The following RBBP4 variants were observed in gnomAD, a reference collection of about 807,000 sequenced individuals.
RBBP4 encodes the protein RB binding protein 4, chromatin remodeling factor.
In RBBP4, 3 loss-of-function variants were observed where a neutral mutation model predicts 57.2. The ratio of observed to expected loss-of-function variants is 0.05; its 90% CI spans 0.02 to 0.14. The LOEUF is 0.14. RBBP4 is among the 10% of genes least tolerant of loss of function. RBBP4 has a pLI of 1.00. For missense variants in RBBP4, 107 were observed against 520.6 expected, an observed-to-expected ratio of 0.21 and a Z score of 7.73; for synonymous variants, 151 against 171.5, an observed-to-expected ratio of 0.88 and a Z score of 0.93.
intron 3 of RBBP4, chr1:32,662,154 G>C (rs1054051014): frequency 4.5e-5 from 13 of 288,428 alleles, no homozygotes; most frequent in Non-Finnish European, 8.6e-5. Context: ...AGAGTGCTGG[G>C]ATTACAGGCT....
At chr1:32,668,041 A>G (rs1016611427) in intron 3 of RBBP4, among the ~76,000 whole-genome samples, 184 bp from the exon 4 acceptor site, 2 of 152,004 alleles carry the variant, frequency 1.3e-5, no homozygotes, top group Non-Finnish European at 2.9e-5. Context: ...CTTATTAGTT[A>G]TTTAACTACC....
chr1:32,684,388 T>A lies in RBBP4; in HGVS notation c.*4683T>A, dbSNP rs201714614. The A allele has an allele frequency of 1.1e-5, 17 of 1,614,186 alleles. No homozygotes were observed. The highest frequency in any genetic ancestry group is 1.4e-5 in the Non-Finnish European group (17 of 1,180,042). On this transcript the variant is annotated 3_prime_UTR_variant, in exon 12 of 12. Coordinates refer to ENST00000373493, the MANE Select transcript of RBBP4 (RefSeq NM_005610.3). The stretch of plus-strand genomic sequence containing the variant: ...TCCATTTCCTCCAGCTGTTCCTGCA[T>A]GAGATGGCCAAGAACATTTCTAATG...
chr1:32,683,896 G>C lies in RBBP4; in HGVS notation c.*4191G>C. The C allele has an allele frequency of 1.0e-6, 1 of 1,003,968 alleles. No individual in the cohort carries two copies. The highest frequency in any genetic ancestry group is 1.5e-6 in the Non-Finnish European group (1 of 665,380). 62.2% of individuals were successfully genotyped at this position (1,003,968 alleles called of 1,614,324 possible). A position where few individuals can be genotyped will look rare whatever the true frequency, so the allele number is the denominator to read the frequency against. On this transcript the variant is annotated 3_prime_UTR_variant, in exon 12 of 12. Coordinates refer to ENST00000373493, the MANE Select transcript of RBBP4 (RefSeq NM_005610.3). ...GATCCACCCTCCTCAGCCTCCCAAA[G>C]TGCTAGGATTACAGGCGTGAGCCAC...
chr1:32,669,200 GT>G lies in RBBP4; in HGVS notation c.762-24del, dbSNP rs768948867. On this transcript the variant is annotated intron_variant, in intron 6 of 11. Coordinates refer to ENST00000373493, the MANE Select transcript of RBBP4 (RefSeq NM_005610.3). The surrounding 1 kb of genome is among the most constrained non-coding windows in gnomAD (Gnocchi z 4.9). The stretch of plus-strand genomic sequence containing the variant: ...TTTTATGTTTAGTCACCATTTCAAG[GT>G]TTTTTTCCTTTGTTTTTTTTTCACT... 28 of 1,609,170 alleles carry G rather than the reference GT, an allele frequency of 1.7e-5. No homozygotes were observed. Among genetic ancestry groups the G allele is most frequent in the South Asian group, 3.3e-5 (3 of 89,792 alleles).
rs759487344 is a variant in RBBP4, at chr1:32,680,678, G to C, written c.*973G>C. 2.5e-6 allele frequency: 2 copies of C among 785,504 alleles called. No homozygotes were observed. Among genetic ancestry groups the C allele is most frequent in the Admixed American group, 3.3e-5 (1 of 30,720 alleles). The allele number at this position is 785,504 out of a possible 1,614,324, so 48.7% of individuals were successfully genotyped here. ...ACCCCATGCTGATGGGTTTTATTTA[G>C]TATAAAACATCCATCAAACACCAGT... is the stretch of plus-strand genomic sequence containing the variant. On this transcript the variant is annotated 3_prime_UTR_variant, in exon 12 of 12. Transcript: ENST00000373493.
At chr1:32,675,117 G>A (rs1434312587) in intron 11 of RBBP4, among the ~76,000 whole-genome samples, 9 of 151,478 alleles carry the variant, frequency 5.9e-5, no homozygotes, top group South Asian at 2.1e-4. Context: ...TGCAACCTCC[G>A]CCTCCTGGGT....
At chr1:32,673,008 C>T in intron 11 of RBBP4, 107 bp downstream of exon 11, 2 of 875,764 alleles carry the variant, frequency 2.3e-6, no homozygotes, top group South Asian at 1.6e-5. Flanking sequence ...TCATTTTACT[C>T]CCAGGTGTGA....
chr1:32,657,139 G>A (rs1393121272), intron 2 of RBBP4, among the ~76,000 whole-genome samples: 1 of 152,140 alleles, frequency 6.6e-6, no homozygotes, highest in Non-Finnish European at 1.5e-5. Flanking sequence ...AGCCAGGCAT[G>A]GTGGCAGGTT....
At chr1:32,664,321 A>G (rs1255255764) in intron 3 of RBBP4, among the ~76,000 whole-genome samples, 1 of 152,082 alleles carries the variant, frequency 6.6e-6, no homozygotes, top group Non-Finnish European at 1.5e-5. Flanking sequence ...GCCTACGTTT[A>G]ATATCTACTC....
intron 3 of RBBP4, among the ~76,000 whole-genome samples, chr1:32,667,714 A>G (rs1403568313): frequency 6.6e-6 from 1 of 152,128 alleles, no homozygotes; most frequent in Non-Finnish European, 1.5e-5. Flanking sequence ...ATCCCTCAGA[A>G]TCCGTGGGGA....
In RBBP4 at chr1:32,684,167, G is replaced by C. The variant is rs1159029713; in HGVS notation, c.*4462G>C. ...AAATCATTTCCCAAATCCTCTTTTT[G>C]TTTTTGATTCTAAGGTAAAATTTTC... On this transcript the variant is annotated 3_prime_UTR_variant, in exon 12 of 12. Coordinates refer to ENST00000373493, the MANE Select transcript of RBBP4 (RefSeq NM_005610.3). The C allele has an allele frequency of 6.2e-7, 1 of 1,603,778 alleles. No individual in the cohort carries two copies.
At chr1:32,656,805 A>C (rs1268533121) in intron 2 of RBBP4, among the ~76,000 whole-genome samples, 1 of 152,026 alleles carries the variant, frequency 6.6e-6, no homozygotes, top group Non-Finnish European at 1.5e-5. Flanking sequence ...CATTCTTTTC[A>C]ATTTCTTTGC....
intron 1 of RBBP4, 131 bp from the exon 2 acceptor site, chr1:32,651,783 C>A: frequency 9.0e-7 from 1 of 1,114,284 alleles, no homozygotes; most frequent in South Asian, 1.5e-5. Flanking sequence ...GTGTGGATGC[C>A]TCTGCCGTGG....
intron 3 of RBBP4, among the ~76,000 whole-genome samples, chr1:32,663,410 A>T (rs1350543705): frequency 1.3e-5 from 2 of 152,102 alleles, no homozygotes; most frequent in East Asian, 3.8e-4. Context: ...TAACAGCTTC[A>T]ACACCTATTT....
rs1439885356 is a variant in RBBP4 at position 32,672,391 on chromosome 1, A to AT, written c.967-53dup. 8.9e-6 allele frequency: 12 copies of AT among 1,353,878 alleles called. No individual in the cohort carries two copies. In the South Asian group the frequency reaches 9.3e-5, roughly 11 times the overall value. 83.9% of individuals were successfully genotyped at this position (1,353,878 alleles called of 1,614,324 possible). A position where few individuals can be genotyped will look rare whatever the true frequency, so the allele number is the denominator to read the frequency against. On this transcript the variant is annotated intron_variant, in intron 8 of 11. Coordinates refer to ENST00000373493, the MANE Select transcript of RBBP4 (RefSeq NM_005610.3). ...TTTTAAATTGTTAAATATTTTGTGA[A>AT]TTTTTTCCCTTTATTTTCTAATTCA...
At chr1:32,658,703 C>T (rs556796849) in intron 3 of RBBP4, among the ~76,000 whole-genome samples, 158 of 151,860 alleles carry the variant, frequency 1.0e-3, no homozygotes, top group Non-Finnish European at 1.4e-3. Context: ...TGCACCACCA[C>T]GCCTGGCTAA....
In RBBP4 at chr1:32,682,138, T is replaced by C. The variant is rs1344246559; in HGVS notation, c.*2433T>C. ...ATTTCTTTGGATTAGTCGTTGTCTTTTCCAGATTGTACACAATCTGATCAA... is the reference window on the plus strand; with the variant it reads ...ATTTCTTTGGATTAGTCGTTGTCTTCTCCAGATTGTACACAATCTGATCAA... On this transcript the variant is annotated 3_prime_UTR_variant, in exon 12 of 12. Transcript: ENST00000373493. The C allele has an allele frequency of 4.7e-6, 2 of 427,718 alleles. No individual in the cohort carries two copies. Among genetic ancestry groups the C allele is most frequent in the Admixed American group, 3.9e-5 (1 of 25,468 alleles). The allele number at this position is 427,718 out of a possible 1,614,324, so 26.5% of individuals were successfully genotyped here.
In RBBP4 at chr1:32,669,715, C is replaced by T; in HGVS notation, c.966+152C>T. ...ACCATCCTGGCTAACACGGTGAAAC[C>T]CTGTCTCTACTAAAAATATAAAAAA... On this transcript the variant is annotated intron_variant, in intron 8 of 11. Transcript: ENST00000373493. This position sits in a 1 kb window ranked among gnomAD's most constrained non-coding sequence, Gnocchi z 4.9. 7.8e-7 allele frequency: 1 copy of T among 1,277,140 alleles called. No individual in the cohort carries two copies. Among genetic ancestry groups the T allele is most frequent in the Non-Finnish European group, 1.0e-6 (1 of 995,926 alleles). The allele number at this position is 1,277,140 out of a possible 1,614,324, so 79.1% of individuals were successfully genotyped here.
intron 1 of RBBP4, 77 bp from the exon 2 acceptor site, chr1:32,651,837 G>T: frequency 6.9e-7 from 1 of 1,455,974 alleles, no homozygotes; most frequent in Admixed American, 1.9e-5. Flanking sequence ...GGCTGTAGGA[G>T]TCATGCAGGT....
Sources: allele counts gnomAD v4.1 joint callset (sites outside exome capture counted in the v4.1 genomes callset), GRCh38; gene constraint gnomAD v4.1.1; non-coding constraint Gnocchi (gnomAD v3.1); transcripts MANE v1.5; gene names NCBI Gene and HGNC (gene_info 2026-07-23, HGNC 2026-07-21).